The following LTBP1 variants were observed in gnomAD, a reference collection of about 807,000 sequenced individuals.
LTBP1 encodes the protein latent transforming growth factor beta binding protein 1.
LTBP1 carries 129 observed loss-of-function variants against 207.6 expected under a neutral mutation model. That is an observed-to-expected ratio of 0.62 (90% confidence interval 0.54 to 0.72). LTBP1 has a LOEUF of 0.72. LTBP1 is among the 30% of genes least tolerant of loss of function. LTBP1 has a pLI of 0.00. For missense variants in LTBP1, 2,281 were observed against 2,217.2 expected (o/e 1.03, Z -0.58); for synonymous variants, 963 against 833.7 (o/e 1.16, Z -2.67).
chr2:33,105,759 G>C (rs1465735547), intron 3 of LTBP1, among the ~76,000 whole-genome samples: 1 of 152,124 alleles, frequency 6.6e-6, no homozygotes, highest in Non-Finnish European at 1.5e-5. Context: ...GTCTTGCCTT[G>C]ATGTTGGTGT....
intron 5 of LTBP1, among the ~76,000 whole-genome samples, chr2:33,139,982 T>C (rs2082509167): frequency 6.6e-6 from 1 of 152,218 alleles, no homozygotes; most frequent in Non-Finnish European, 1.5e-5. Context: ...TTGATACTTG[T>C]CATTTTGAAG....
intron 4 of LTBP1, among the ~76,000 whole-genome samples, chr2:33,125,970 T>C (rs1381086433): frequency 6.6e-6 from 1 of 152,158 alleles, no homozygotes; most frequent in South Asian, 2.1e-4. Flanking sequence ...GCAACCAGGG[T>C]ATCAGTAAGA....
intron 3 of LTBP1, among the ~76,000 whole-genome samples, chr2:33,087,084 C>CCTTTTTTTTTTTTTTTTTTTT (rs1323005803): frequency 1.1e-5 from 1 of 89,026 alleles, no homozygotes. Flanking sequence ...CTCCTTTATG[C>CCTTTTTTTTTTTTTTTTTTTT]TTTTTTTTTT....
chr2:33,303,592 C>T lies in LTBP1; in HGVS notation c.3481+1948C>T, dbSNP rs552066486. On this transcript the variant is annotated intron_variant, in intron 22 of 33. Coordinates refer to ENST00000404816, the MANE Select transcript of LTBP1 (RefSeq NM_206943.4). ...GTCTTGATCTCCTGACCTCGTGATC[C>T]GCCCATCTCGGCCTCCCAAAGTGCT... Among the ~76,000 whole-genome samples, 8 of 152,204 alleles carry T rather than the reference C, an allele frequency of 5.3e-5. No individual in the cohort carries two copies. In the South Asian group the frequency reaches 8.3e-4, roughly 16 times the overall value.
intron 3 of LTBP1, among the ~76,000 whole-genome samples, chr2:33,057,439 C>T (rs1217881088): frequency 1.3e-5 from 2 of 152,254 alleles, no homozygotes; most frequent in Non-Finnish European, 2.9e-5. Context: ...CTCCTCAGCC[C>T]TTGGGCAGTC....
intron 13 of LTBP1, among the ~76,000 whole-genome samples, chr2:33,262,161 C>T (rs1387070857): frequency 1.3e-5 from 2 of 152,206 alleles, no homozygotes; most frequent in Non-Finnish European, 2.9e-5. Context: ...TTCTGTTGCT[C>T]TGCCTGGCTA....
intron 2 of LTBP1, among the ~76,000 whole-genome samples, chr2:32,981,607 A>G (rs13402072): frequency 0.033 from 4,980 of 152,296 alleles, 265 homozygotes; most frequent in African/African-American, 0.11. Context: ...TAAAACTACA[A>G]ACATAAGCTC....
At chr2:33,333,474 G>T (rs2094520251) in intron 24 of LTBP1, among the ~76,000 whole-genome samples, 1 of 152,162 alleles carries the variant, frequency 6.6e-6, no homozygotes, top group African/African-American at 2.4e-5. Context: ...CAACATGATG[G>T]AGAGAAATGA....
chr2:33,345,586 C>A (rs2094691089), intron 25 of LTBP1, among the ~76,000 whole-genome samples: 1 of 152,194 alleles, frequency 6.6e-6, no homozygotes, highest in African/African-American at 2.4e-5. Context: ...TTAAATATTT[C>A]AACTCTGCTT....
At chr2:33,234,281 C>G (rs1048993927) in intron 9 of LTBP1, among the ~76,000 whole-genome samples, 2 of 152,076 alleles carry the variant, frequency 1.3e-5, no homozygotes, top group South Asian at 2.1e-4. Flanking sequence ...GTTGCATTAT[C>G]ATAAGTGAGT....
intron 5 of LTBP1, among the ~76,000 whole-genome samples, chr2:33,186,103 C>T (rs950361652): frequency 5.3e-5 from 8 of 152,170 alleles, no homozygotes; most frequent in African/African-American, 1.9e-4. Context: ...TCACTGAGAT[C>T]TTGTTACACA....
At position 33,309,450 on chromosome 2, in the gene LTBP1, G is replaced by A. The variant is rs2094148749; in HGVS notation, c.3498G>A (p.Leu1166=). The change falls in exon 23 of 34, where the codon TTG becomes TTA. Residue 1166 remains leucine (L), a synonymous_variant. Coordinates refer to ENST00000404816, the MANE Select transcript of LTBP1 (RefSeq NM_206943.4). ...GGTTTTTAGATATCAATGAATGCTT[G>A]GAGGACAAGAGTGTTTGCCAGAGAG... ...GDHCEDINEC[L]EDKSVCQRGD... The A allele has an allele frequency of 1.3e-6, 2 of 1,599,316 alleles. No individual in the cohort carries two copies. Among genetic ancestry groups the A allele is most frequent in the African/African-American group, 1.4e-5 (1 of 73,940 alleles).
chr2:33,243,579 A>G (rs2092408969), intron 9 of LTBP1, 83 bp from the exon 10 acceptor site: 1 of 1,313,012 alleles, frequency 7.6e-7, no homozygotes. Flanking sequence ...ACTATAGTGA[A>G]AAAGGAAGTG....
rs1341883677 is a variant in LTBP1, at chr2:33,157,473, G to T, written c.1201+22513G>T. On this transcript the variant is annotated intron_variant, in intron 5 of 33. Transcript: ENST00000404816. The stretch of plus-strand genomic sequence containing the variant: ...AAGCCCTTAGAGCTGAAAGTAGCTT[G>T]GAGAGCATCTCATTCATTCTTTTCA... 1.3e-5 allele frequency among the ~76,000 whole-genome samples: 2 copies of T among 152,164 alleles called. 1 individual carries two copies. The highest frequency in any genetic ancestry group is 3.9e-4 in the East Asian group (2 of 5,182).
intron 5 of LTBP1, among the ~76,000 whole-genome samples, chr2:33,147,336 T>A (rs1172855159): frequency 6.6e-6 from 1 of 152,212 alleles, no homozygotes; most frequent in Non-Finnish European, 1.5e-5. Context: ...ATTATGGATC[T>A]TATTAAATGC....
chr2:32,961,280 G>A (rs1238887476), intron 2 of LTBP1, among the ~76,000 whole-genome samples: 1 of 150,928 alleles, frequency 6.6e-6, no homozygotes, highest in Non-Finnish European at 1.5e-5. Flanking sequence ...CTCGTGGAAA[G>A]GCAAGACCCT....
At chr2:32,971,402 A>G (rs948363888) in intron 2 of LTBP1, among the ~76,000 whole-genome samples, 1 of 152,086 alleles carries the variant, frequency 6.6e-6, no homozygotes, top group Non-Finnish European at 1.5e-5. Flanking sequence ...GCTTTTGCCC[A>G]TTCAGGATTA....
chr2:33,395,079 A>G (rs2095346912), intron 32 of LTBP1, among the ~76,000 whole-genome samples: 2 of 152,298 alleles, frequency 1.3e-5, no homozygotes, highest in South Asian at 2.1e-4. Context: ...ACTTATGCCA[A>G]ATCTCATTTA....
intron 3 of LTBP1, among the ~76,000 whole-genome samples, chr2:33,024,100 C>G (rs994062082): frequency 1.3e-5 from 2 of 152,156 alleles, no homozygotes; most frequent in African/African-American, 4.8e-5. Flanking sequence ...TTTTATGGAG[C>G]ATATTTTATG....
Sources: allele counts gnomAD v4.1 joint callset (sites outside exome capture counted in the v4.1 genomes callset), GRCh38; gene constraint gnomAD v4.1.1; transcripts MANE v1.5; gene names NCBI Gene and HGNC (gene_info 2026-07-23, HGNC 2026-07-21).